SPPL2A: variants seen among roughly 807,000 people sequenced by gnomAD.
SPPL2A encodes the protein signal peptide peptidase like 2A, also known as signal peptide peptidase-like 2A.
A neutral mutation model predicts 63.8 loss-of-function variants in SPPL2A; 51 were observed. The observed-to-expected ratio is 0.80, with a 90% CI of 0.64 to 1.01. SPPL2A has a LOEUF of 1.01. SPPL2A is among the 50% of genes least tolerant of loss of function. The pLI is 0.00. For missense variants in SPPL2A, 553 were observed against 622.7 expected (o/e 0.89, Z 1.19); for synonymous variants, 188 against 205.8 (o/e 0.91, Z 0.74).
chr15:50,736,296 T>G, intron 7 of SPPL2A, 94 bp from the exon 8 acceptor site: 1 of 733,490 alleles, frequency 1.4e-6, no homozygotes, highest in Non-Finnish European at 2.3e-6. Context: ...TCATAAGAAG[T>G]GACTGAAATA....
chr15:50,740,894 C>T (rs940470361), intron 5 of SPPL2A, among the ~76,000 whole-genome samples: 5 of 152,170 alleles, frequency 3.3e-5, no homozygotes, highest in Admixed American at 1.3e-4. Flanking sequence ...AGGTGTGAGC[C>T]ACCGCACCCA....
In SPPL2A at chr15:50,742,365, G is replaced by A. The variant is rs187663456; in HGVS notation, c.585-2537C>T. On this transcript the variant is annotated intron_variant, in intron 5 of 14. Coordinates refer to ENST00000261854, the MANE Select transcript of SPPL2A (RefSeq NM_032802.4). Reference sequence around the variant, plus strand: ...AGATCGCGCCATTGCACTCCAACCTGGGCAACAAGAGCAAAACCTCGACTC... The same window carrying A: ...AGATCGCGCCATTGCACTCCAACCTAGGCAACAAGAGCAAAACCTCGACTC... Among the ~76,000 whole-genome samples, 35 of 151,988 alleles carry A rather than the reference G, an allele frequency of 2.3e-4. 1 individual carries two copies. The East Asian group carries it at 6.6e-3, about 28-fold the overall frequency.
Position 50,751,044 on chromosome 15 carries a change from T to C in SPPL2A, c.67-1298A>G, listed in dbSNP as rs185770058. Among the ~76,000 whole-genome samples the C allele has an allele frequency of 3.9e-5, 6 of 152,306 alleles. No individual in the cohort carries two copies. In the East Asian group the frequency reaches 1.2e-3, roughly 29 times the overall value. On this transcript the variant is annotated intron_variant, in intron 1 of 14. Transcript: ENST00000261854. ...ATCCCATGCTCTGTTACCTAAAATGTCCCTTGAACATTTTGGATTAGAGGG... is the reference window on the plus strand; with the variant it reads ...ATCCCATGCTCTGTTACCTAAAATGCCCCTTGAACATTTTGGATTAGAGGG...
At chr15:50,758,615 A>T (rs1346243517) in intron 1 of SPPL2A, among the ~76,000 whole-genome samples, 1 of 152,114 alleles carries the variant, frequency 6.6e-6, no homozygotes, top group Non-Finnish European at 1.5e-5. Flanking sequence ...GGCGTGAGCC[A>T]TCATGCCCAG....
intron 1 of SPPL2A, among the ~76,000 whole-genome samples, chr15:50,753,165 T>G (rs16963874): frequency 0.097 from 14,760 of 152,164 alleles, 2,437 homozygotes; most frequent in African/African-American, 0.34. Flanking sequence ...ACAGAAGATG[T>G]CCATAGTGAG....
chr15:50,719,149 CT>C (rs2062624254), intron 14 of SPPL2A, among the ~76,000 whole-genome samples: 1 of 152,126 alleles, frequency 6.6e-6, no homozygotes, highest in Non-Finnish European at 1.5e-5. Context: ...TCAAGATTTT[CT>C]TTGTTTAGAA....
intron 1 of SPPL2A, among the ~76,000 whole-genome samples, chr15:50,761,805 G>A (rs981045517): frequency 3.3e-5 from 5 of 151,510 alleles, no homozygotes; most frequent in South Asian, 2.1e-4. Context: ...GCATCACGAC[G>A]TGCACCTGTA....
intron 6 of SPPL2A, among the ~76,000 whole-genome samples, chr15:50,736,950 C>T (rs1462538734): frequency 6.0e-5 from 9 of 150,628 alleles, no homozygotes; most frequent in African/African-American, 4.8e-5. Flanking sequence ...GTCGCCCAGT[C>T]GCCCAGGCTG....
intron 2 of SPPL2A, among the ~76,000 whole-genome samples, chr15:50,749,131 ACTT>A (rs1339573938): frequency 1.3e-5 from 2 of 152,274 alleles, no homozygotes; most frequent in East Asian, 1.9e-4. Context: ...AGTCATTCTC[ACTT>A]CTTCAATATT....
At chr15:50,723,274 A>G (rs2062662035) in intron 12 of SPPL2A, among the ~76,000 whole-genome samples, 2 of 152,204 alleles carry the variant, frequency 1.3e-5, no homozygotes, top group Non-Finnish European at 2.9e-5. Context: ...TAAAATTAGA[A>G]CTACCATTAG....
chr15:50,754,766 T>C (rs905192433), intron 1 of SPPL2A, among the ~76,000 whole-genome samples: 3 of 151,752 alleles, frequency 2.0e-5, no homozygotes, highest in Non-Finnish European at 4.4e-5. Context: ...GCGGATCAAC[T>C]GAGGTCGGGT....
intron 14 of SPPL2A, among the ~76,000 whole-genome samples, chr15:50,715,420 G>C (rs1251798693): frequency 6.6e-6 from 1 of 152,152 alleles, no homozygotes; most frequent in Non-Finnish European, 1.5e-5. Context: ...GAAAAAGAAG[G>C]AGGAAAGGTG....
At chr15:50,760,159 T>C (rs1244828262) in intron 1 of SPPL2A, among the ~76,000 whole-genome samples, 1 of 152,216 alleles carries the variant, frequency 6.6e-6, no homozygotes, top group Non-Finnish European at 1.5e-5. Flanking sequence ...AGGTGCCAGT[T>C]GGGCCAGTAT....
At chr15:50,759,413 T>C (rs1335138435) in intron 1 of SPPL2A, among the ~76,000 whole-genome samples, 1 of 152,082 alleles carries the variant, frequency 6.6e-6, no homozygotes, top group Non-Finnish European at 1.5e-5. Flanking sequence ...AGATTCTGTC[T>C]CTATTAAAAC....
intron 4 of SPPL2A, 107 bp downstream of exon 4, chr15:50,748,006 T>G: frequency 1.9e-6 from 1 of 522,034 alleles, no homozygotes; most frequent in Non-Finnish European, 3.2e-6. Flanking sequence ...TTATAGCTTC[T>G]TGTTAGCAAA....
In SPPL2A at chr15:50,703,325, C is replaced by CAA. The variant is rs1555439687; in HGVS notation, c.*4474_*4475insTT. The CAA allele has an allele frequency of 2.4e-5, 2 of 83,062 alleles. No homozygotes were observed. The highest frequency in any genetic ancestry group is 4.5e-5 in the Non-Finnish European group (2 of 44,022). The allele number at this position is 83,062 out of a possible 1,614,324, so 5.1% of individuals were successfully genotyped here. A position where few individuals can be genotyped will look rare whatever the true frequency, so the allele number is the denominator to read the frequency against. On this transcript the variant is annotated 3_prime_UTR_variant, in exon 15 of 15. Transcript: ENST00000261854. ...GCCTAAATAAATTAGTTCATATATACATATATATATATATATATATACATA... is the reference window on the plus strand; with the variant it reads ...GCCTAAATAAATTAGTTCATATATACAAATATATATATATATATATATACATA...
At chr15:50,763,543 G>C (rs1008378786) in intron 1 of SPPL2A, among the ~76,000 whole-genome samples, 1 of 152,116 alleles carries the variant, frequency 6.6e-6, no homozygotes, top group Non-Finnish European at 1.5e-5. Flanking sequence ...CCCTAGAACC[G>C]AGGAATATAG....
intron 2 of SPPL2A, 30 bp downstream of exon 2, chr15:50,749,606 G>C (rs374965999): frequency 1.5e-6 from 2 of 1,366,616 alleles, no homozygotes; most frequent in Non-Finnish European, 2.1e-6. Context: ...CTATTTTTAT[G>C]TTTATGAATA....
chr15:50,715,389 C>G (rs1401615354), intron 14 of SPPL2A, among the ~76,000 whole-genome samples: 1 of 152,042 alleles, frequency 6.6e-6, no homozygotes, highest in Non-Finnish European at 1.5e-5. Flanking sequence ...TAACTACAAT[C>G]CTGTGTCAGT....
Sources: allele counts gnomAD v4.1 joint callset (sites outside exome capture counted in the v4.1 genomes callset), GRCh38; gene constraint gnomAD v4.1.1; transcripts MANE v1.5; gene names NCBI Gene and HGNC (gene_info 2026-07-23, HGNC 2026-07-21).